SORCS2: variants seen among roughly 807,000 people sequenced by gnomAD.
SORCS2 encodes the protein sortilin related VPS10 domain containing receptor 2, also known as VPS10 domain-containing receptor SorCS2.
A neutral mutation model predicts 141.6 loss-of-function variants in SORCS2; 100 were observed. The ratio of observed to expected loss-of-function variants is 0.71; its 90% confidence interval spans 0.60 to 0.83. The LOEUF (loss-of-function observed/expected upper bound fraction) is 0.83. SORCS2 is among the 40% of genes least tolerant of loss of function. The probability of loss-of-function intolerance (pLI) is 0.00; values close to 1 mark genes in which losing one functional copy is unlikely to be tolerated. For missense variants in SORCS2, 1,646 were observed against 1,560.2 expected (o/e 1.05, Z -0.93); for synonymous variants, 789 against 676.9 (o/e 1.17, Z -2.57).
rs879877827 is a variant in SORCS2, at chr4:7,456,477, A to AG, written c.548+60123dup. Among the ~76,000 whole-genome samples, 685 of 149,618 alleles carry AG rather than the reference A, an allele frequency of 4.6e-3. 2 individuals carry two copies. Among genetic ancestry groups the AG allele is most frequent in the Middle Eastern group, 0.017 (5 of 292 alleles). ...TTCCCACCCATAAGCCTGAAGGGTGAGAGGGGGGGGGCCTCCTTTTGAGGA... is the reference window on the plus strand; with the variant it reads ...TTCCCACCCATAAGCCTGAAGGGTGAGGAGGGGGGGGGCCTCCTTTTGAGGA... On this transcript the variant is annotated intron_variant, in intron 2 of 26. Coordinates refer to ENST00000507866, the MANE Select transcript of SORCS2 (RefSeq NM_020777.3).
rs1401688057 is a variant in SORCS2 at position 7,193,849 on chromosome 4, T to C, written c.480+723T>C. Among the ~76,000 whole-genome samples, 2 of 152,172 alleles carry C rather than the reference T, an allele frequency of 1.3e-5. No homozygotes were observed. The highest frequency in any genetic ancestry group is 3.9e-4 in the East Asian group (2 of 5,184). On this transcript the variant is annotated intron_variant, in intron 1 of 26. Coordinates refer to ENST00000507866, the MANE Select transcript of SORCS2 (RefSeq NM_020777.3). This position sits in a 1 kb window ranked among gnomAD's most constrained non-coding sequence, Gnocchi z 4.8. ...CCGGCTACTCTGGCTTTGCTCCAGC[T>C]GGAAGTTTGCCACCTCTGTTGGGGA...
intron 21 of SORCS2, 112 bp from the exon 22 acceptor site, chr4:7,728,237 CA>C: frequency 1.5e-6 from 1 of 674,006 alleles, no homozygotes; most frequent in Non-Finnish European, 2.5e-6. Context: ...GGATCTGAAT[CA>C]AAGGCCTCCC....
intron 2 of SORCS2, among the ~76,000 whole-genome samples, chr4:7,419,188 A>T (rs1184822769): frequency 6.6e-6 from 1 of 152,052 alleles, no homozygotes; most frequent in African/African-American, 2.4e-5. Flanking sequence ...TTTTCAACAG[A>T]GGTATTTGGT....
chr4:7,290,271 G>C (rs955579498), intron 1 of SORCS2, among the ~76,000 whole-genome samples: 51 of 152,214 alleles, frequency 3.4e-4, no homozygotes, highest in African/African-American at 1.2e-3. Context: ...CTCTCAGTGG[G>C]CTGGCTGCTC....
chr4:7,468,099 C>G (rs1048197440), intron 2 of SORCS2, among the ~76,000 whole-genome samples: 1 of 152,262 alleles, frequency 6.6e-6, no homozygotes, highest in Non-Finnish European at 1.5e-5. Flanking sequence ...CAACTGTCCC[C>G]TGCAAGGCAC....
At chr4:7,407,546 C>T (rs1442827782) in intron 2 of SORCS2, among the ~76,000 whole-genome samples, 1 of 151,968 alleles carries the variant, frequency 6.6e-6, no homozygotes, top group Non-Finnish European at 1.5e-5. Context: ...TTTTTCCAGC[C>T]CATCACTTTC....
At chr4:7,205,266 A>C (rs1727671298) in intron 1 of SORCS2, among the ~76,000 whole-genome samples, 1 of 152,140 alleles carries the variant, frequency 6.6e-6, no homozygotes, top group African/African-American at 2.4e-5. Flanking sequence ...AGGACCCCAA[A>C]CTGGCACAGG....
intron 2 of SORCS2, among the ~76,000 whole-genome samples, chr4:7,464,281 G>C (rs974152232): frequency 2.0e-5 from 3 of 152,232 alleles, no homozygotes; most frequent in African/African-American, 7.2e-5. Flanking sequence ...AGTCTCCATG[G>C]AGGTGGAACA....
chr4:7,567,488 A>G (rs148243919), intron 3 of SORCS2, among the ~76,000 whole-genome samples: 90 of 151,604 alleles, frequency 5.9e-4, no homozygotes, highest in Non-Finnish European at 1.1e-3. Flanking sequence ...TGTTTTCCTC[A>G]TGATTGCACT....
At chr4:7,211,201 G>T (rs1418466209) in intron 1 of SORCS2, among the ~76,000 whole-genome samples, 1 of 142,662 alleles carries the variant, frequency 7.0e-6, no homozygotes, top group East Asian at 2.1e-4. Context: ...TCTCAGAGGT[G>T]GCGGGAGGAG....
intron 18 of SORCS2, among the ~76,000 whole-genome samples, chr4:7,722,301 G>C (rs1726646265): frequency 6.6e-6 from 1 of 152,156 alleles, no homozygotes; most frequent in Admixed American, 6.5e-5. Flanking sequence ...CCCTCCCTGA[G>C]AGGCTGCCTT....
chr4:7,291,041 G>T (rs1197728740), intron 1 of SORCS2, among the ~76,000 whole-genome samples: 2 of 152,190 alleles, frequency 1.3e-5, no homozygotes, highest in African/African-American at 4.8e-5. Context: ...CTGAGGTGGG[G>T]ACATCTTAGG....
Position 7,740,446 on chromosome 4 carries a change from C to T in SORCS2, c.*182C>T, listed in dbSNP as rs895669836. The T allele has an allele frequency of 6.7e-5, 40 of 595,188 alleles. No individual in the cohort carries two copies. Among genetic ancestry groups the T allele is most frequent in the South Asian group, 1.6e-4 (8 of 50,884 alleles). 36.9% of individuals were successfully genotyped at this position (595,188 alleles called of 1,614,324 possible). A position where few individuals can be genotyped will look rare whatever the true frequency, so the allele number is the denominator to read the frequency against. ...CCCGCCCAGGCCCACGGGGGGCCCACGGGACCCCCCGGGACTCCCCGGACA... is the reference window on the plus strand; with the variant it reads ...CCCGCCCAGGCCCACGGGGGGCCCATGGGACCCCCCGGGACTCCCCGGACA... On this transcript the variant is annotated 3_prime_UTR_variant, in exon 27 of 27. Coordinates refer to ENST00000507866, the MANE Select transcript of SORCS2 (RefSeq NM_020777.3).
intron 2 of SORCS2, among the ~76,000 whole-genome samples, chr4:7,461,130 A>G (rs1243495528): frequency 6.6e-6 from 1 of 152,152 alleles, no homozygotes; most frequent in Non-Finnish European, 1.5e-5. Flanking sequence ...AGGACTGAGG[A>G]TGCGGTGATT....
chr4:7,665,161 GCTGGGTGCCCTCT>G (rs2108926485), intron 7 of SORCS2, among the ~76,000 whole-genome samples: 1 of 152,308 alleles, frequency 6.6e-6, no homozygotes, highest in African/African-American at 2.4e-5. Flanking sequence ...GAGAGCAGCT[GCTGGGTGCCCTCT>G]CCCCAGAAGG....
intron 17 of SORCS2, 86 bp downstream of exon 17, chr4:7,715,397 C>T (rs986162319): frequency 1.9e-6 from 3 of 1,553,608 alleles, no homozygotes; most frequent in Middle Eastern, 1.7e-4. Flanking sequence ...CTGGCTGGTG[C>T]CTGCAGCTCC....
intron 1 of SORCS2, among the ~76,000 whole-genome samples, chr4:7,394,424 G>C (rs1026550651): frequency 6.7e-6 from 1 of 149,018 alleles, no homozygotes; most frequent in Non-Finnish European, 1.5e-5. Flanking sequence ...GTGTATGGAG[G>C]GGGCATTGAG....
At chr4:7,372,647 G>T (rs955092659) in intron 1 of SORCS2, among the ~76,000 whole-genome samples, 1 of 152,142 alleles carries the variant, frequency 6.6e-6, no homozygotes, top group Non-Finnish European at 1.5e-5. Flanking sequence ...AGTAAGTTTC[G>T]ATAAATGCAT....
chr4:7,408,920 G>C (rs934106541), intron 2 of SORCS2, among the ~76,000 whole-genome samples: 2 of 152,060 alleles, frequency 1.3e-5, no homozygotes, highest in African/African-American at 4.8e-5. Flanking sequence ...AGTTCCACAG[G>C]TGTTTTTCTC....
Sources: gnomAD v4.1 joint callset for allele counts (sites outside exome capture counted in the v4.1 genomes callset) on GRCh38, gnomAD v4.1.1 for gene constraint, Gnocchi (gnomAD v3.1) non-coding constraint, MANE v1.5 for transcripts, NCBI Gene and HGNC (gene_info 2026-07-23, HGNC 2026-07-21) for gene names.